Variants in SIPA1L1 observed in about 807,000 individuals in gnomAD.
SIPA1L1 encodes signal-induced proliferation-associated 1-like protein 1.
A neutral mutation model predicts 162.7 loss-of-function variants in SIPA1L1; 26 were observed. The observed-to-expected ratio is 0.16, with a 90% CI of 0.12 to 0.22. SIPA1L1 has a LOEUF of 0.22. Among genes scored for constraint, SIPA1L1 ranks in the 10% least tolerant of loss-of-function variants. SIPA1L1 has a pLI of 1.00. For missense variants in SIPA1L1, 1,874 were observed against 2,241.0 expected, an observed-to-expected ratio of 0.84 and a Z score of 3.31; for synonymous variants, 829 against 837.4, an observed-to-expected ratio of 0.99 and a Z score of 0.17.
intron 2 of SIPA1L1, among the ~76,000 whole-genome samples, chr14:71,470,362 T>C (rs1567066856): frequency 6.6e-6 from 1 of 152,222 alleles, no homozygotes; most frequent in Non-Finnish European, 1.5e-5. Flanking sequence ...AACCTCACTT[T>C]TAATTCCTGT....
At chr14:71,577,329 G>C (rs1349984815) in intron 4 of SIPA1L1, among the ~76,000 whole-genome samples, 1 of 151,172 alleles carries the variant, frequency 6.6e-6, no homozygotes, top group African/African-American at 2.4e-5. Flanking sequence ...CATAAATTTT[G>C]TAACCACTAG....
At chr14:71,503,102 A>G (rs747276110) in intron 2 of SIPA1L1, among the ~76,000 whole-genome samples, 12 of 152,212 alleles carry the variant, frequency 7.9e-5, no homozygotes, top group Non-Finnish European at 1.8e-4. Context: ...AAATTTTAGC[A>G]TGATGAAGTT....
At chr14:71,503,340 C>T (rs2050400137) in intron 2 of SIPA1L1, among the ~76,000 whole-genome samples, 1 of 152,156 alleles carries the variant, frequency 6.6e-6, no homozygotes, top group African/African-American at 2.4e-5. Flanking sequence ...TTTAAATGTT[C>T]TCTGAGTAAA....
At chr14:71,423,750 T>G (rs1187946537) in intron 2 of SIPA1L1, among the ~76,000 whole-genome samples, 1 of 152,184 alleles carries the variant, frequency 6.6e-6, no homozygotes, top group African/African-American at 2.4e-5. Flanking sequence ...AGTATGAGTC[T>G]TCCTGCTTTG....
chr14:71,570,342 G>A (rs2031733967), intron 4 of SIPA1L1, among the ~76,000 whole-genome samples: 1 of 151,618 alleles, frequency 6.6e-6, no homozygotes. Flanking sequence ...GCATGATCTC[G>A]GTTCACTGCA....
At chr14:71,634,827 T>C (rs1318295358) in intron 7 of SIPA1L1, among the ~76,000 whole-genome samples, 4 of 151,606 alleles carry the variant, frequency 2.6e-5, no homozygotes, top group Non-Finnish European at 5.9e-5. Context: ...TCCCAGCTAC[T>C]CAGGAGGCTG....
intron 12 of SIPA1L1, among the ~76,000 whole-genome samples, chr14:71,683,137 C>A (rs1310605280): frequency 6.6e-6 from 1 of 152,178 alleles, no homozygotes; most frequent in Non-Finnish European, 1.5e-5. Flanking sequence ...CTAGGCGACA[C>A]AGCAAGACCT....
At position 71,325,996 on chromosome 14, in the gene SIPA1L1, A is replaced by G. The variant is rs544652831; in HGVS notation, c.-465+4815A>G. ...TCACACAAACTCGGGGGTCACTCAA[A>G]GGCAACTTGAGCAGAACTGACAGCC... is the stretch of plus-strand genomic sequence containing the variant. On this transcript the variant is annotated intron_variant, in intron 2 of 23. Transcript: ENST00000381232. Among the ~76,000 whole-genome samples, 238 of 152,274 alleles carry G rather than the reference A, an allele frequency of 1.6e-3. 1 individual carries two copies. Among genetic ancestry groups the G allele is most frequent in the Non-Finnish European group, 2.7e-3 (186 of 68,020 alleles).
rs570287871 is a variant in SIPA1L1, at chr14:71,598,512, A to T, written c.1498+9142A>T. 2.0e-5 allele frequency among the ~76,000 whole-genome samples: 3 copies of T among 152,304 alleles called. No homozygotes were observed. The South Asian group carries it at 6.2e-4, about 32-fold the overall frequency. ...CAAGAGGCACAACCCCAGCCCAATC[A>T]CTTGAAACTATCAGACAAACCCAAA... On this transcript the variant is annotated intron_variant, in intron 5 of 23. Coordinates refer to ENST00000381232, the MANE Select transcript of SIPA1L1 (RefSeq NM_001386936.1).
chr14:71,370,629 C>T (rs1354461313), intron 2 of SIPA1L1, among the ~76,000 whole-genome samples: 1 of 152,148 alleles, frequency 6.6e-6, no homozygotes, highest in Admixed American at 6.5e-5. Flanking sequence ...CATATATGTA[C>T]TAAGAGCATA....
At chr14:71,574,479 T>C (rs778554451) in intron 4 of SIPA1L1, 1 of 152,118 alleles carries the variant, frequency 6.6e-6, no homozygotes, top group Non-Finnish European at 1.5e-5. Context: ...TATCTTGCAC[T>C]TAGGAAATTC....
At chr14:71,355,712 G>A (rs557795617) in intron 2 of SIPA1L1, among the ~76,000 whole-genome samples, 1 of 152,294 alleles carries the variant, frequency 6.6e-6, no homozygotes, top group South Asian at 2.1e-4. Flanking sequence ...AAATTTATGA[G>A]AAAGTACATA....
chr14:71,544,009 A>G (rs568931779), intron 4 of SIPA1L1, among the ~76,000 whole-genome samples: 4 of 147,742 alleles, frequency 2.7e-5, no homozygotes, highest in East Asian at 1.9e-4. Context: ...ACGCACATGT[A>G]TATATACACA....
At chr14:71,718,108 A>G (rs1453041993) in intron 17 of SIPA1L1, among the ~76,000 whole-genome samples, 1 of 152,212 alleles carries the variant, frequency 6.6e-6, no homozygotes, top group Non-Finnish European at 1.5e-5. Flanking sequence ...CTTGGAGGAC[A>G]TTTTACCTAA....
chr14:71,666,481 T>C (rs1418878721), intron 10 of SIPA1L1, among the ~76,000 whole-genome samples: 1 of 152,164 alleles, frequency 6.6e-6, no homozygotes, highest in Admixed American at 6.5e-5. Flanking sequence ...CAATTGTAAA[T>C]TGGAACATTG....
intron 4 of SIPA1L1, among the ~76,000 whole-genome samples, chr14:71,544,289 A>G (rs1258207430): frequency 9.3e-6 from 1 of 107,436 alleles, no homozygotes; most frequent in African/African-American, 2.7e-5. Flanking sequence ...ATGTGTATAT[A>G]CATATATATC....
intron 13 of SIPA1L1, among the ~76,000 whole-genome samples, chr14:71,695,497 G>A (rs1274900346): frequency 6.6e-6 from 1 of 152,226 alleles, no homozygotes; most frequent in Non-Finnish European, 1.5e-5. Context: ...CGTTTGGAGA[G>A]CAGGGTAAGA....
chr14:71,607,677 G>A (rs949570405), intron 5 of SIPA1L1, among the ~76,000 whole-genome samples: 1 of 152,190 alleles, frequency 6.6e-6, no homozygotes, highest in African/African-American at 2.4e-5. Context: ...GGAGAAACTA[G>A]AGAAGATTTA....
intron 12 of SIPA1L1, among the ~76,000 whole-genome samples, chr14:71,679,160 G>A (rs1292810169): frequency 1.3e-5 from 2 of 152,136 alleles, no homozygotes; most frequent in Non-Finnish European, 2.9e-5. Flanking sequence ...TGAAATGAAG[G>A]AAAAAGTGTT....
Sources: gnomAD v4.1 joint callset for allele counts (sites outside exome capture counted in the v4.1 genomes callset) on GRCh38, gnomAD v4.1.1 for gene constraint, MANE v1.5 for transcripts, NCBI Gene and HGNC (gene_info 2026-07-23, HGNC 2026-07-21) for gene names.